Variants in HPCAL1 observed in about 807,000 individuals in gnomAD.
HPCAL1 encodes hippocalcin like 1.
A neutral mutation model predicts 17.1 loss-of-function variants in HPCAL1; 8 were observed. The ratio of observed to expected loss-of-function variants is 0.47; its 90% CI spans 0.27 to 0.84. The LOEUF is 0.84. Ranked by LOEUF, HPCAL1 falls within the 40% of genes least tolerant of loss-of-function variation. The probability of loss-of-function intolerance (pLI) is 0.13; values close to 1 mark genes in which losing one functional copy is unlikely to be tolerated. For synonymous variants in HPCAL1, 112 were observed against 111.4 expected (o/e 1.01, Z -0.03); for missense variants, 165 against 271.1 (o/e 0.61, Z 2.75).
intron 1 of HPCAL1, among the ~76,000 whole-genome samples, chr2:10,313,426 C>T (rs1157656540): frequency 6.6e-6 from 1 of 152,216 alleles, no homozygotes; most frequent in East Asian, 1.9e-4. Context: ...TGTAGGATGG[C>T]GGCTGCCTTC....
intron 1 of HPCAL1, among the ~76,000 whole-genome samples, chr2:10,374,744 T>C (rs1023582): frequency 0.5 from 75,318 of 151,772 alleles, 19,562 homozygotes; most frequent in East Asian, 0.79. Flanking sequence ...AGTTCCACCC[T>C]ACGGCGTAGA....
chr2:10,424,412 G>A, intron 4 of HPCAL1: 1 of 449,646 alleles, frequency 2.2e-6, no homozygotes, highest in South Asian at 1.6e-5. Flanking sequence ...CGCTCCTCGT[G>A]GGGATGGTGA....
intron 1 of HPCAL1, among the ~76,000 whole-genome samples, chr2:10,316,744 T>C (rs570555734): frequency 4.6e-5 from 7 of 152,308 alleles, no homozygotes; most frequent in African/African-American, 1.4e-4. Flanking sequence ...CACTGTAAAA[T>C]CCGAGAAACC....
intron 1 of HPCAL1, among the ~76,000 whole-genome samples, chr2:10,369,418 G>T (rs1667075527): frequency 6.6e-6 from 1 of 152,220 alleles, no homozygotes; most frequent in Non-Finnish European, 1.5e-5. Context: ...AATCCATAGA[G>T]GACCTACAGG....
chr2:10,421,841 A>T (rs1671080913), intron 3 of HPCAL1, among the ~76,000 whole-genome samples: 1 of 152,232 alleles, frequency 6.6e-6, no homozygotes, highest in Admixed American at 6.5e-5. Context: ...CGCCTCAGGA[A>T]TGAGCGACCC....
chr2:10,349,689 C>T (rs1482153839), intron 1 of HPCAL1, among the ~76,000 whole-genome samples: 3 of 85,386 alleles, frequency 3.5e-5, no homozygotes, highest in Non-Finnish European at 4.1e-5. Flanking sequence ...GGTGACAGAG[C>T]AAGACTCTGT....
chr2:10,338,355 C>T (rs1012122757), intron 1 of HPCAL1, among the ~76,000 whole-genome samples: 1 of 152,122 alleles, frequency 6.6e-6, no homozygotes, highest in Non-Finnish European at 1.5e-5. Context: ...TGGGAGGCAA[C>T]ATAAGAGAAT....
chr2:10,423,133 G>C (rs1007419529), intron 4 of HPCAL1, 45 bp downstream of exon 4: 4 of 1,431,900 alleles, frequency 2.8e-6, no homozygotes, highest in Non-Finnish European at 3.9e-6. Flanking sequence ...GCCACGGTAG[G>C]GGCAAAACCA....
chr2:10,402,641 T>C (rs1669695682), intron 2 of HPCAL1, among the ~76,000 whole-genome samples: 1 of 152,262 alleles, frequency 6.6e-6, no homozygotes, highest in African/African-American at 2.4e-5. Context: ...ATTTTATTAA[T>C]AATGATTTAT....
chr2:10,307,909 T>C (rs1219595003), intron 1 of HPCAL1, among the ~76,000 whole-genome samples: 2 of 152,216 alleles, frequency 1.3e-5, no homozygotes, highest in Non-Finnish European at 2.9e-5. Flanking sequence ...AAACCTTGGT[T>C]TGTTCTCTTA....
At chr2:10,413,756 TAAG>T (rs961800299) in intron 2 of HPCAL1, among the ~76,000 whole-genome samples, 1 of 152,224 alleles carries the variant, frequency 6.6e-6, no homozygotes, top group East Asian at 1.9e-4. Context: ...ATGGGATCGG[TAAG>T]AACATAAATC....
chr2:10,350,082 C>G (rs1481668931), intron 1 of HPCAL1, among the ~76,000 whole-genome samples: 6 of 152,194 alleles, frequency 3.9e-5, no homozygotes, highest in Non-Finnish European at 8.8e-5. Context: ...TTTAATTCCT[C>G]TTCTGAGGGT....
In HPCAL1 at chr2:10,342,386, G is replaced by A. The variant is rs1420684831; in HGVS notation, c.-111+39209G>A. On this transcript the variant is annotated intron_variant, in intron 1 of 4. Coordinates refer to ENST00000307845, the MANE Select transcript of HPCAL1 (RefSeq NM_002149.4). The surrounding 1 kb of genome is among the most constrained non-coding windows in gnomAD (Gnocchi z 4.1). ...TGCCACAGCCCTGCTTCTGTGCGAGGCCAGTCAGTCTGGGTCCTGGGATAT... is the reference window on the plus strand; with the variant it reads ...TGCCACAGCCCTGCTTCTGTGCGAGACCAGTCAGTCTGGGTCCTGGGATAT... Among the ~76,000 whole-genome samples, 1 of 152,150 alleles carries A rather than the reference G, an allele frequency of 6.6e-6. No individual in the cohort carries two copies. Among genetic ancestry groups the A allele is most frequent in the Non-Finnish European group, 1.5e-5 (1 of 68,026 alleles).
rs7576888 is a variant in HPCAL1, at chr2:10,416,702, T to C, written c.-24-3032T>C. ...AGTGATCTTCTGATTTTACATTCCC[T>C]TTTTTTTTTTTTCCATGTAGAAATC... On this transcript the variant is annotated intron_variant, in intron 2 of 4. Coordinates refer to ENST00000307845, the MANE Select transcript of HPCAL1 (RefSeq NM_002149.4). Among the ~76,000 whole-genome samples the C allele has an allele frequency of 9.6e-3, 1,084 of 112,834 alleles. 15 individuals carry two copies. The highest frequency in any genetic ancestry group is 0.032 in the African/African-American group (1,034 of 32,542). The allele number at this position is 112,834 out of a possible 152,430, so 74.0% of individuals were successfully genotyped here.
chr2:10,376,463 T>A (rs1558498492), intron 1 of HPCAL1, among the ~76,000 whole-genome samples: 1 of 151,570 alleles, frequency 6.6e-6, no homozygotes, highest in African/African-American at 2.4e-5. Flanking sequence ...TTTTTGAGAT[T>A]GGGTCTCACT....
intron 1 of HPCAL1, among the ~76,000 whole-genome samples, chr2:10,364,516 T>C (rs969579420): frequency 1.3e-5 from 2 of 151,816 alleles, no homozygotes; most frequent in African/African-American, 4.8e-5. Context: ...TCCTCGCTGC[T>C]TCCCTCGGGA....
chr2:10,333,892 C>A (rs1284476337), intron 1 of HPCAL1, among the ~76,000 whole-genome samples: 1 of 152,182 alleles, frequency 6.6e-6, no homozygotes, highest in Non-Finnish European at 1.5e-5. Context: ...AAAATAATGT[C>A]ATCTGTGTCC....
At position 10,304,168 on chromosome 2, in the gene HPCAL1, G is replaced by C. The variant is rs912328460; in HGVS notation, c.-111+991G>C. 6.6e-6 allele frequency among the ~76,000 whole-genome samples: 1 copy of C among 152,192 alleles called. No individual in the cohort carries two copies. The highest frequency in any genetic ancestry group is 1.5e-5 in the Non-Finnish European group (1 of 68,010). Reference sequence around the variant, plus strand: ...CTCCGCGAGTGCCCGAGAGCGCCGCGCTGGGCGCCGGCCCTGCCCCAGCCC... The same window carrying C: ...CTCCGCGAGTGCCCGAGAGCGCCGCCCTGGGCGCCGGCCCTGCCCCAGCCC... On this transcript the variant is annotated intron_variant, in intron 1 of 4. Transcript: ENST00000307845. This position sits in a 1 kb window ranked among gnomAD's most constrained non-coding sequence, Gnocchi z 4.1.
chr2:10,361,305 C>T (rs917509156), intron 1 of HPCAL1, among the ~76,000 whole-genome samples: 7 of 151,520 alleles, frequency 4.6e-5, no homozygotes, highest in Non-Finnish European at 7.4e-5. Flanking sequence ...ACTGTGGCCT[C>T]GTTGTCTAAT....
Sources: gnomAD v4.1 joint callset for allele counts (sites outside exome capture counted in the v4.1 genomes callset) on GRCh38, gnomAD v4.1.1 for gene constraint, Gnocchi (gnomAD v3.1) non-coding constraint, MANE v1.5 for transcripts, NCBI Gene and HGNC (gene_info 2026-07-23, HGNC 2026-07-21) for gene names.